Variants in TCP10L observed in about 807,000 individuals in gnomAD.
TCP10L encodes t-complex 10 like.
In TCP10L, 11 loss-of-function variants were observed where a neutral mutation model predicts 19.2. The ratio of observed to expected loss-of-function variants is 0.57; its 90% confidence interval spans 0.36 to 0.95. The LOEUF (loss-of-function observed/expected upper bound fraction) is 0.95, where lower values mean the gene tolerates loss of function less well. Ranked by LOEUF, TCP10L falls within the 40% of genes least tolerant of loss-of-function variation. The pLI, the probability that TCP10L is intolerant of heterozygous loss-of-function variation, is 0.01. For synonymous variants in TCP10L, 96 were observed against 97.2 expected, an observed-to-expected ratio of 0.99 and a Z score of 0.07; for missense variants, 247 against 263.9, an observed-to-expected ratio of 0.94 and a Z score of 0.44.
rs1254342887 is a variant in TCP10L at position 32,575,764 on chromosome 21, G to A, written c.*1010C>T. 6.5e-6 allele frequency: 1 copy of A among 153,378 alleles called. No homozygotes were observed. Among genetic ancestry groups the A allele is most frequent in the African/African-American group, 2.4e-5 (1 of 41,488 alleles). The allele number at this position is 153,378 out of a possible 1,614,324, so 9.5% of individuals were successfully genotyped here. On this transcript the variant is annotated 3_prime_UTR_variant, in exon 5 of 5. Coordinates refer to ENST00000300258, the MANE Select transcript of TCP10L (RefSeq NM_144659.7). The stretch of plus-strand genomic sequence containing the variant: ...CCTCCCCGTGAGACCCGCAATGCAG[G>A]AAGCACCCACAGCTGCATGGACAGA...
At chr21:32,580,546 T>C (rs2038482888) in intron 3 of TCP10L, among the ~76,000 whole-genome samples, 1 of 151,410 alleles carries the variant, frequency 6.6e-6, no homozygotes, top group Admixed American at 6.6e-5. Flanking sequence ...TCGGAAATAT[T>C]CTAAGTCCTG....
chr21:32,583,416 C>T (rs1316457385), intron 2 of TCP10L, among the ~76,000 whole-genome samples: 4 of 151,410 alleles, frequency 2.6e-5, no homozygotes, highest in South Asian at 2.1e-4. Context: ...GGTGAAACCC[C>T]GTCTCTACTA....
rs2146524546 is a variant in TCP10L at position 32,578,386 on chromosome 21, CTCCGCA to C, written c.498+302_498+307del. ...GTGGAGACAGTGCCACACACATCAC[CTCCGCA>C]GCCTGCACCCACGGAAACAAAGCCC... On this transcript the variant is annotated intron_variant, in intron 4 of 4. Coordinates refer to ENST00000300258, the MANE Select transcript of TCP10L (RefSeq NM_144659.7). The surrounding 1 kb of genome is among the most constrained non-coding windows in gnomAD (Gnocchi z 4.2). Among the ~76,000 whole-genome samples, 1 of 152,376 alleles carries C rather than the reference CTCCGCA, an allele frequency of 6.6e-6. No homozygotes were observed. The highest frequency in any genetic ancestry group is 2.1e-4 in the South Asian group (1 of 4,830).
In TCP10L at chr21:32,576,387, G is replaced by T; in HGVS notation, c.*387C>A. On this transcript the variant is annotated 3_prime_UTR_variant, in exon 5 of 5. Transcript: ENST00000300258. ...GTCCCTGGAGCGGGCAATGCCTTGAGCCCAAAGGCTGGGAGCACAAAGCCA... is the reference window on the plus strand; with the variant it reads ...GTCCCTGGAGCGGGCAATGCCTTGATCCCAAAGGCTGGGAGCACAAAGCCA... The T allele has an allele frequency of 9.0e-7, 1 of 1,111,634 alleles. No individual in the cohort carries two copies. Among genetic ancestry groups the T allele is most frequent in the Non-Finnish European group, 1.3e-6 (1 of 780,994 alleles). The allele number at this position is 1,111,634 out of a possible 1,614,324, so 68.9% of individuals were successfully genotyped here.
chr21:32,579,133 C>T (rs781669803), intron 3 of TCP10L, among the ~76,000 whole-genome samples: 1 of 152,196 alleles, frequency 6.6e-6, no homozygotes, highest in Non-Finnish European at 1.5e-5. Flanking sequence ...TTCCTTTAGG[C>T]TCCTGTGTCT....
Position 32,576,915 on chromosome 21 carries a change from A to T in TCP10L, c.507T>A (p.Ser169Arg). The T allele has an allele frequency of 2.0e-5, 32 of 1,607,868 alleles. No homozygotes were observed. Among genetic ancestry groups the T allele is most frequent in the Non-Finnish European group, 2.7e-5 (32 of 1,178,600 alleles). Residue 169 changes from serine to arginine, a missense_variant, in exon 5 of 5, where the codon AGT (serine) becomes AGA (arginine). Transcript: ENST00000300258. ...SNNSAPPKPM[S>R]LKIERISSWK... is the part of the protein sequence containing the mutation. ...ACGAGCTAATTCTTTCTATCTTTAA[A>T]CTCATTGGCTGAAAACAAATGTGGG...
In TCP10L at chr21:32,584,262, T is replaced by C. The variant is rs780933705; in HGVS notation, c.43A>G (p.Thr15Ala). 3.7e-6 allele frequency: 6 copies of C among 1,614,092 alleles called. No homozygotes were observed. Among genetic ancestry groups the C allele is most frequent in the Non-Finnish European group, 5.1e-6 (6 of 1,179,994 alleles). Residue 15 changes from threonine to alanine, a missense_variant, in exon 2 of 5, where the codon ACC (threonine) becomes GCC (alanine). Physicochemically the swap from Thr to Ala is moderately conservative, Grantham distance 58 (BLOSUM62 0). Coordinates refer to ENST00000300258, the MANE Select transcript of TCP10L (RefSeq NM_144659.7). Reference protein sequence around the residue: ...QLEARDPKEGTHPEDPCPGAG... With the variant: ...QLEARDPKEGAHPEDPCPGAG... ...CCTGGGCACGGGTCCTCTGGGTGGG[T>C]GCCCTCTTTGGGGTCCCTGGCCTCG...
At chr21:32,581,521 T>G (rs770602212) in intron 3 of TCP10L, among the ~76,000 whole-genome samples, 8 of 152,130 alleles carry the variant, frequency 5.3e-5, no homozygotes, top group Non-Finnish European at 8.8e-5. Context: ...CCTCTGGGGC[T>G]TCAGCTGGAA....
rs1364003138 is a variant in TCP10L at position 32,582,139 on chromosome 21, T to A, written c.360+61A>T. On this transcript the variant is annotated intron_variant, in intron 3 of 4. Transcript: ENST00000300258. The surrounding 1 kb of genome is among the most constrained non-coding windows in gnomAD (Gnocchi z 4.2). ...CATTCAGCAATAAAGCCCACATCTTTATGGGGACGCTATTTTTACATAACG... is the reference window on the plus strand; with the variant it reads ...CATTCAGCAATAAAGCCCACATCTTAATGGGGACGCTATTTTTACATAACG... 6.3e-7 allele frequency: 1 copy of A among 1,578,970 alleles called. No individual in the cohort carries two copies. Among genetic ancestry groups the A allele is most frequent in the Non-Finnish European group, 8.7e-7 (1 of 1,156,008 alleles).
At chr21:32,583,696 T>A (rs1173518712) in intron 2 of TCP10L, among the ~76,000 whole-genome samples, 6 of 152,090 alleles carry the variant, frequency 3.9e-5, no homozygotes, top group Admixed American at 2.0e-4. Flanking sequence ...CCTCCAGCCT[T>A]GCTCTGAGAA....
At chr21:32,579,858 G>A (rs2833914) in intron 3 of TCP10L, among the ~76,000 whole-genome samples, 11,964 of 152,084 alleles carry the variant, frequency 0.079, 557 homozygotes, top group Non-Finnish European at 0.1. Context: ...GGACAATCCC[G>A]GCCAGTATTT....
At chr21:32,583,237 G>A (rs1202647391) in intron 2 of TCP10L, among the ~76,000 whole-genome samples, 1 of 151,746 alleles carries the variant, frequency 6.6e-6, no homozygotes, top group Non-Finnish European at 1.5e-5. Context: ...GTTTTACCAT[G>A]TTGGCCAGAC....
In TCP10L at chr21:32,582,186, T is replaced by G. The variant is rs1440382700; in HGVS notation, c.360+14A>C. 2 of 1,611,336 alleles carry G rather than the reference T, an allele frequency of 1.2e-6. No homozygotes were observed. Among genetic ancestry groups the G allele is most frequent in the Admixed American group, 3.4e-5 (2 of 59,294 alleles). ...AACGCAAACGGTACAAAAACATAAA[T>G]GCGCTTTTGGTACCAGAGTGTGCGA... On this transcript the variant is annotated intron_variant, in intron 3 of 4. Transcript: ENST00000300258. The surrounding 1 kb of genome is among the most constrained non-coding windows in gnomAD (Gnocchi z 4.2).
rs763061041 is a variant in TCP10L at position 32,584,237 on chromosome 21, C to T, written c.68G>A (p.Gly23Glu). 12 of 1,614,132 alleles carry T rather than the reference C, an allele frequency of 7.4e-6. No individual in the cohort carries two copies. The highest frequency in any genetic ancestry group is 9.3e-6 in the Non-Finnish European group (11 of 1,180,004). Residue 23 changes from glycine (G) to glutamate (E), a missense_variant, in exon 2 of 5, where the codon GGA (glycine) becomes GAA (glutamate). Coordinates refer to ENST00000300258, the MANE Select transcript of TCP10L (RefSeq NM_144659.7). ...EGTHPEDPCPGAGAVMEKTAV... is the reference protein window; with the variant it reads ...EGTHPEDPCPEAGAVMEKTAV... ...TGTCTTCTCCATGACAGCCCCAGCTCCTGGGCACGGGTCCTCTGGGTGGGT... is the reference window on the plus strand; with the variant it reads ...TGTCTTCTCCATGACAGCCCCAGCTTCTGGGCACGGGTCCTCTGGGTGGGT...
chr21:32,581,514 C>T (rs1489642390), intron 3 of TCP10L, among the ~76,000 whole-genome samples: 1 of 152,178 alleles, frequency 6.6e-6, no homozygotes, highest in Non-Finnish European at 1.5e-5. Flanking sequence ...CACACACCCT[C>T]TGGGGCTTCA....
chr21:32,574,907 T>C lies in TCP10L; in HGVS notation c.*1867A>G, dbSNP rs2038414260. On this transcript the variant is annotated 3_prime_UTR_variant, in exon 5 of 5. Transcript: ENST00000300258. Reference sequence around the variant, plus strand: ...GGTATTTCTCTTTCGAGTATTCTGATGGATCAGGAGATTCACGGATGGAAA... The same window carrying C: ...GGTATTTCTCTTTCGAGTATTCTGACGGATCAGGAGATTCACGGATGGAAA... 1 of 152,402 alleles carries C rather than the reference T, an allele frequency of 6.6e-6. No homozygotes were observed. The highest frequency in any genetic ancestry group is 1.5e-5 in the Non-Finnish European group (1 of 68,044). The allele number at this position is 152,402 out of a possible 1,614,324, so 9.4% of individuals were successfully genotyped here.
At chr21:32,583,405 C>T (rs184058047) in intron 2 of TCP10L, among the ~76,000 whole-genome samples, 7 of 151,400 alleles carry the variant, frequency 4.6e-5, no homozygotes, top group South Asian at 2.1e-4. Flanking sequence ...CCGGCTAACA[C>T]GGTGAAACCC....
Position 32,582,331 on chromosome 21 carries a change from T to A in TCP10L, c.229A>T (p.Ser77Cys). 1 of 1,614,050 alleles carries A rather than the reference T, an allele frequency of 6.2e-7. No homozygotes were observed. Among genetic ancestry groups the A allele is most frequent in the Non-Finnish European group, 8.5e-7 (1 of 1,180,020 alleles). ...LWADVHGKLRSHIDALREQNM... is the reference protein window; with the variant it reads ...LWADVHGKLRCHIDALREQNM... Reference sequence around the variant, plus strand: ...TGCTCCCTCAAAGCATCTATATGACTCCGGAGTTTTCCATGAACATCAGCC... The same window carrying A: ...TGCTCCCTCAAAGCATCTATATGACACCGGAGTTTTCCATGAACATCAGCC... The change falls in exon 3 of 5, where the codon AGT (serine) becomes TGT (cysteine). Residue 77 changes from serine (S) to cysteine (C), a missense_variant. Ser to Cys is a moderately radical substitution (Grantham distance 112). Transcript: ENST00000300258. The surrounding 1 kb of genome is among the most constrained non-coding windows in gnomAD (Gnocchi z 4.2).
intron 3 of TCP10L, among the ~76,000 whole-genome samples, chr21:32,581,643 C>G (rs145962098): frequency 6.6e-6 from 1 of 152,170 alleles, no homozygotes; most frequent in Non-Finnish European, 1.5e-5. Flanking sequence ...ACACCCCCAT[C>G]GCACACCCTG....
Sources: allele counts gnomAD v4.1 joint callset (sites outside exome capture counted in the v4.1 genomes callset), GRCh38; gene constraint gnomAD v4.1.1; non-coding constraint Gnocchi (gnomAD v3.1); transcripts MANE v1.5; gene names NCBI Gene and HGNC (gene_info 2026-07-23, HGNC 2026-07-21).